TNFRSF11A: variants seen among roughly 807,000 people sequenced by gnomAD.
TNFRSF11A encodes the protein TNF receptor superfamily member 11a.
In TNFRSF11A, 32 loss-of-function variants were observed where a neutral mutation model predicts 55.7. The ratio of observed to expected loss-of-function variants is 0.57; its 90% CI spans 0.43 to 0.77. TNFRSF11A has a LOEUF of 0.77. Among genes scored for constraint, TNFRSF11A ranks in the 30% least tolerant of loss-of-function variants. The pLI, the probability that TNFRSF11A is intolerant of heterozygous loss-of-function variation, is 0.00. For synonymous variants in TNFRSF11A, 311 were observed against 331.0 expected (o/e 0.94, Z 0.65); for missense variants, 753 against 809.8 (o/e 0.93, Z 0.85).
chr18:62,355,602 T>C (rs1449383463), intron 4 of TNFRSF11A, among the ~76,000 whole-genome samples: 1 of 152,202 alleles, frequency 6.6e-6, no homozygotes, highest in Non-Finnish European at 1.5e-5. Context: ...TTTTTAAATA[T>C]TTACTTTGAC....
At chr18:62,335,153 A>G (rs2046213435) in intron 1 of TNFRSF11A, among the ~76,000 whole-genome samples, 1 of 109,394 alleles carries the variant, frequency 9.1e-6, no homozygotes, top group Non-Finnish European at 2.4e-5. Flanking sequence ...TTTGTTACCC[A>G]GGCTGGAGTG....
rs371609615 is a variant in TNFRSF11A at position 62,367,145 on chromosome 18, C to T, written c.783+385C>T. On this transcript the variant is annotated intron_variant, in intron 8 of 9. Coordinates refer to ENST00000586569, the MANE Select transcript of TNFRSF11A (RefSeq NM_003839.4). Reference sequence around the variant, plus strand: ...GATTATAGGCAGGAGCCACCGCGCCCGGCCTCAGCTCCTTTGCTTACAGGG... The same window carrying T: ...GATTATAGGCAGGAGCCACCGCGCCTGGCCTCAGCTCCTTTGCTTACAGGG... Among the ~76,000 whole-genome samples the T allele has an allele frequency of 2.8e-4, 43 of 152,328 alleles. No homozygotes were observed. In the South Asian group the frequency reaches 3.3e-3, roughly 12 times the overall value.
At chr18:62,345,715 T>C (rs1406369706) in intron 1 of TNFRSF11A, among the ~76,000 whole-genome samples, 5 of 152,122 alleles carry the variant, frequency 3.3e-5, no homozygotes, top group Non-Finnish European at 7.4e-5. Flanking sequence ...AATTTTATGG[T>C]CCGTGAATTT....
At chr18:62,332,654 G>A (rs984720328) in intron 1 of TNFRSF11A, among the ~76,000 whole-genome samples, 3 of 152,090 alleles carry the variant, frequency 2.0e-5, no homozygotes, top group African/African-American at 7.2e-5. Flanking sequence ...TTCTATTGTT[G>A]AAGATTGTTA....
chr18:62,379,153 A>G lies in TNFRSF11A; in HGVS notation c.1568-5598A>G, dbSNP rs145412149. On this transcript the variant is annotated intron_variant, in intron 9 of 9. Coordinates refer to ENST00000586569, the MANE Select transcript of TNFRSF11A (RefSeq NM_003839.4). ...CAAGCTGGTGTTTGTGATGCAGCCA[A>G]CCTGGCCTGGAGAGAGGGCTTAGTC... is the stretch of plus-strand genomic sequence containing the variant. Among the ~76,000 whole-genome samples, 454 of 152,362 alleles carry G rather than the reference A, an allele frequency of 3.0e-3. 5 individuals carry two copies. The highest frequency in any genetic ancestry group is 5.1e-3 in the Non-Finnish European group (345 of 68,040).
rs557361017 is a variant in TNFRSF11A, at chr18:62,377,668, C to T, written c.1568-7083C>T. On this transcript the variant is annotated intron_variant, in intron 9 of 9. Coordinates refer to ENST00000586569, the MANE Select transcript of TNFRSF11A (RefSeq NM_003839.4). ...ATGATGTGGAGCATCTTTTCATATG[C>T]CTGTTTGCCATCTGGATATCTTTGG... 1.4e-4 allele frequency among the ~76,000 whole-genome samples: 22 copies of T among 152,244 alleles called. No individual in the cohort carries two copies. The East Asian group carries it at 4.0e-3, about 28-fold the overall frequency.
chr18:62,361,886 C>T, intron 7 of TNFRSF11A, 93 bp downstream of exon 7: 2 of 1,138,658 alleles, frequency 1.8e-6, no homozygotes, highest in South Asian at 2.5e-5. Context: ...CTACTTGCTG[C>T]CTATGGTGAT....
Position 62,383,644 on chromosome 18 carries a change from G to A in TNFRSF11A, c.1568-1107G>A, listed in dbSNP as rs1452966615. 1.3e-5 allele frequency among the ~76,000 whole-genome samples: 2 copies of A among 152,058 alleles called. No individual in the cohort carries two copies. Among genetic ancestry groups the A allele is most frequent in the African/African-American group, 2.4e-5 (1 of 41,474 alleles). On this transcript the variant is annotated intron_variant, in intron 9 of 9. Coordinates refer to ENST00000586569, the MANE Select transcript of TNFRSF11A (RefSeq NM_003839.4). The surrounding 1 kb of genome is among the most constrained non-coding windows in gnomAD (Gnocchi z 4.2). The stretch of plus-strand genomic sequence containing the variant: ...TTTCTGTCTTTAAAATGGAAGAATC[G>A]TAAGAGCTAGCAGGTTGCCTAACAT...
intron 1 of TNFRSF11A, among the ~76,000 whole-genome samples, chr18:62,345,622 C>G (rs1177256285): frequency 6.6e-6 from 1 of 152,084 alleles, no homozygotes; most frequent in Non-Finnish European, 1.5e-5. Flanking sequence ...TGAAAATGTT[C>G]AGGAATTAGA....
At chr18:62,354,676 C>A in intron 4 of TNFRSF11A, 142 bp downstream of exon 4, 1 of 1,274,192 alleles carries the variant, frequency 7.8e-7, no homozygotes, top group Non-Finnish European at 1.1e-6. Context: ...AAGGTGGGGG[C>A]TGATTTTCCA....
chr18:62,345,072 A>G (rs1314945465), intron 1 of TNFRSF11A, among the ~76,000 whole-genome samples: 1 of 152,220 alleles, frequency 6.6e-6, no homozygotes, highest in Non-Finnish European at 1.5e-5. Context: ...TGACAGAAGC[A>G]CTGGATTTCC....
intron 1 of TNFRSF11A, among the ~76,000 whole-genome samples, chr18:62,341,835 G>GTTTTTTTTTTTTTTTTTTTTTTTTTT: frequency 1.5e-5 from 1 of 68,852 alleles, no homozygotes; most frequent in Non-Finnish European, 2.5e-5. Context: ...GCTGAGAATG[G>GTTTTTTTTTTTTTTTTTTTTTTTTTT]CTTTTTTTTT....
intron 1 of TNFRSF11A, among the ~76,000 whole-genome samples, chr18:62,343,742 C>G (rs1194550348): frequency 6.6e-6 from 1 of 152,132 alleles, no homozygotes; most frequent in East Asian, 1.9e-4. Flanking sequence ...GAAAGCGAAG[C>G]AAGAGAAGTC....
At chr18:62,351,140 T>C (rs1358751770) in intron 3 of TNFRSF11A, among the ~76,000 whole-genome samples, 1 of 151,944 alleles carries the variant, frequency 6.6e-6, no homozygotes, top group East Asian at 1.9e-4. Flanking sequence ...GTAGCTGGGA[T>C]TACAGGCACG....
intron 4 of TNFRSF11A, chr18:62,357,865 G>A (rs1909378300): frequency 6.9e-6 from 2 of 290,064 alleles, no homozygotes; most frequent in South Asian, 7.5e-5. Context: ...GAGACAGATA[G>A]CAGGAGCAGT....
intron 1 of TNFRSF11A, among the ~76,000 whole-genome samples, chr18:62,347,553 C>T (rs1645878001): frequency 1.3e-5 from 2 of 152,186 alleles, no homozygotes; most frequent in African/African-American, 4.8e-5. Flanking sequence ...GAGGGCAGAG[C>T]CCAGGAAGCC....
chr18:62,356,298 C>T (rs1909251006), intron 4 of TNFRSF11A, among the ~76,000 whole-genome samples: 1 of 152,216 alleles, frequency 6.6e-6, no homozygotes, highest in South Asian at 2.1e-4. Context: ...CACATTCGGT[C>T]TTTATTATCA....
rs1031367544 is a variant in TNFRSF11A at position 62,390,548 on chromosome 18, AG to A, written c.*5515del. ...TCAGGAGGGCACTGGAGTCAATGAAAGCTTTTGCTCTCACCCAGGCTCTTGG... is the reference window on the plus strand; with the variant it reads ...TCAGGAGGGCACTGGAGTCAATGAAACTTTTGCTCTCACCCAGGCTCTTGG... On this transcript the variant is annotated 3_prime_UTR_variant, in exon 10 of 10. Coordinates refer to ENST00000586569, the MANE Select transcript of TNFRSF11A (RefSeq NM_003839.4). 4 of 152,196 alleles carry A rather than the reference AG, an allele frequency of 2.6e-5. No individual in the cohort carries two copies. Among genetic ancestry groups the A allele is most frequent in the Non-Finnish European group, 5.9e-5 (4 of 68,036 alleles). The allele number at this position is 152,196 out of a possible 1,614,324, so 9.4% of individuals were successfully genotyped here. A position where few individuals can be genotyped will look rare whatever the true frequency, so the allele number is the denominator to read the frequency against.
At chr18:62,327,466 G>C (rs2046092323) in intron 1 of TNFRSF11A, among the ~76,000 whole-genome samples, 1 of 152,192 alleles carries the variant, frequency 6.6e-6, no homozygotes, top group Non-Finnish European at 1.5e-5. Flanking sequence ...CTTCCCAGTA[G>C]AAATGCATTT....
Sources: gnomAD v4.1 joint callset for allele counts (sites outside exome capture counted in the v4.1 genomes callset) on GRCh38, gnomAD v4.1.1 for gene constraint, Gnocchi (gnomAD v3.1) non-coding constraint, MANE v1.5 for transcripts, NCBI Gene and HGNC (gene_info 2026-07-23, HGNC 2026-07-21) for gene names.